CSMD1: variants seen among roughly 807,000 people sequenced by gnomAD.
CSMD1 encodes the protein CUB and sushi domain-containing protein 1.
CSMD1 carries 213 observed loss-of-function variants against 417.5 expected under a neutral mutation model. The ratio of observed to expected loss-of-function variants is 0.51; its 90% confidence interval spans 0.46 to 0.57. The LOEUF (loss-of-function observed/expected upper bound fraction) is 0.57. Among genes scored for constraint, CSMD1 ranks in the 20% least tolerant of loss-of-function variants. The pLI is 0.00. For missense variants in CSMD1, 6,923 were observed against 4,529.7 expected, an observed-to-expected ratio of 1.53 and a Z score of -15.17; for synonymous variants, 2,862 against 1,736.8, an observed-to-expected ratio of 1.65 and a Z score of -16.11.
At chr8:4,547,996 C>T (rs1271385149) in intron 2 of CSMD1, among the ~76,000 whole-genome samples, 1 of 152,130 alleles carries the variant, frequency 6.6e-6, no homozygotes, top group African/African-American at 2.4e-5. Flanking sequence ...GCCAGGCACT[C>T]CCAAGCAATC....
chr8:3,738,079 A>G (rs2129049482), intron 6 of CSMD1, among the ~76,000 whole-genome samples: 1 of 152,354 alleles, frequency 6.6e-6, no homozygotes, highest in Middle Eastern at 3.4e-3. Context: ...TGATTACTAT[A>G]GTCTCTTTCC....
At chr8:4,024,843 G>A (rs1040210647) in intron 4 of CSMD1, among the ~76,000 whole-genome samples, 3 of 152,222 alleles carry the variant, frequency 2.0e-5, no homozygotes, top group South Asian at 4.1e-4. Context: ...GCTCTGCAAT[G>A]CTGCTGAGAA....
intron 1 of CSMD1, among the ~76,000 whole-genome samples, chr8:4,758,801 C>A (rs572263365): frequency 3.9e-5 from 6 of 152,238 alleles, no homozygotes; most frequent in Non-Finnish European, 5.9e-5. Context: ...CATGGGAGAA[C>A]CTTCCCCCAT....
At chr8:3,615,957 G>A (rs1410109327) in intron 8 of CSMD1, among the ~76,000 whole-genome samples, 1 of 152,136 alleles carries the variant, frequency 6.6e-6, no homozygotes, top group Non-Finnish European at 1.5e-5. Context: ...TATTCATAAT[G>A]TAGCAACAGA....
rs34505266 is a variant in CSMD1, at chr8:4,633,996, T to TAAA, written c.302+3343_302+3345dup. Among the ~76,000 whole-genome samples, 1,194 of 143,090 alleles carry TAAA rather than the reference T, an allele frequency of 8.3e-3. 12 individuals are homozygous for TAAA. Among genetic ancestry groups the TAAA allele is most frequent in the Non-Finnish European group, 0.014 (947 of 65,502 alleles). 93.9% of individuals were successfully genotyped at this position (143,090 alleles called of 152,430 possible). On this transcript the variant is annotated intron_variant, in intron 2 of 69. Coordinates refer to ENST00000635120, the MANE Select transcript of CSMD1 (RefSeq NM_033225.6). ...AAACAGCAACCACCTGACAGGTCAT[T>TAAA]AAAAAAAAAAAAAACAATGAAGAGA... is the stretch of plus-strand genomic sequence containing the variant.
At chr8:4,631,383 A>G (rs552906800) in intron 2 of CSMD1, among the ~76,000 whole-genome samples, 1 of 150,402 alleles carries the variant, frequency 6.6e-6, no homozygotes, top group Non-Finnish European at 1.5e-5. Context: ...ATAAAATAAA[A>G]TGATACCTTG....
At chr8:3,470,204 A>G (rs1432051691) in intron 11 of CSMD1, among the ~76,000 whole-genome samples, 1 of 152,164 alleles carries the variant, frequency 6.6e-6, no homozygotes, top group Non-Finnish European at 1.5e-5. Context: ...AAATCATACT[A>G]TATATAACAT....
intron 5 of CSMD1, among the ~76,000 whole-genome samples, chr8:3,958,061 T>A (rs1455614226): frequency 6.6e-6 from 1 of 152,216 alleles, no homozygotes; most frequent in Non-Finnish European, 1.5e-5. Flanking sequence ...TGTATACTGT[T>A]CATGTGCTAT....
In CSMD1 at chr8:3,648,799, G is replaced by A. The variant is rs184523905; in HGVS notation, c.1010-32002C>T. Among the ~76,000 whole-genome samples, 9 of 151,370 alleles carry A rather than the reference G, an allele frequency of 5.9e-5. No homozygotes were observed. In the East Asian group the frequency reaches 1.7e-3, roughly 29 times the overall value. On this transcript the variant is annotated intron_variant, in intron 7 of 69. Transcript: ENST00000635120. The stretch of plus-strand genomic sequence containing the variant: ...TTGTATTTAAAACCTATCTTTACGC[G>A]GCACCCCTCTCAGAACATGACATTT...
At chr8:3,223,917 C>T in intron 27 of CSMD1, 50 bp from the exon 28 acceptor site, 3 of 1,594,664 alleles carry the variant, frequency 1.9e-6, no homozygotes, top group Non-Finnish European at 2.6e-6. Flanking sequence ...GCGAAGAACG[C>T]CTGCCAGTCA....
chr8:3,442,607 G>A (rs1320506079), intron 12 of CSMD1, among the ~76,000 whole-genome samples: 2 of 152,118 alleles, frequency 1.3e-5, no homozygotes, highest in Non-Finnish European at 2.9e-5. Flanking sequence ...TGGGTAGCAG[G>A]CTATACAATC....
chr8:3,969,048 C>A (rs1444814389), intron 5 of CSMD1, among the ~76,000 whole-genome samples: 1 of 152,086 alleles, frequency 6.6e-6, no homozygotes, highest in African/African-American at 2.4e-5. Flanking sequence ...TTCAGGAGTT[C>A]GAGACCAGCC....
At chr8:4,314,760 T>G (rs1354719668) in intron 3 of CSMD1, among the ~76,000 whole-genome samples, 1 of 152,232 alleles carries the variant, frequency 6.6e-6, no homozygotes, top group Non-Finnish European at 1.5e-5. Flanking sequence ...ACCCATGTCT[T>G]CTAATGATTT....
At chr8:4,694,058 C>A (rs968674096) in intron 1 of CSMD1, among the ~76,000 whole-genome samples, 2 of 152,166 alleles carry the variant, frequency 1.3e-5, no homozygotes, top group African/African-American at 4.8e-5. Flanking sequence ...TTAGGGCAAA[C>A]CTGCCTCCCA....
At chr8:3,355,200 A>T (rs1016965696) in intron 21 of CSMD1, among the ~76,000 whole-genome samples, 13 of 145,690 alleles carry the variant, frequency 8.9e-5, no homozygotes, top group East Asian at 1.9e-4. Context: ...TTCATTTTTT[A>T]AAAAAATCTC....
At chr8:3,325,203 G>T (rs542028527) in intron 23 of CSMD1, among the ~76,000 whole-genome samples, 100 of 152,258 alleles carry the variant, frequency 6.6e-4, no homozygotes, top group African/African-American at 2.3e-3. Context: ...CGGTGTCCAG[G>T]TCTCCAGGCT....
intron 12 of CSMD1, among the ~76,000 whole-genome samples, chr8:3,451,142 GC>G (rs1303434563): frequency 1.3e-5 from 2 of 152,098 alleles, no homozygotes; most frequent in Non-Finnish European, 2.9e-5. Flanking sequence ...CATATCCTTC[GC>G]CCACTTTTTG....
chr8:3,739,705 G>C lies in CSMD1; in HGVS notation c.931+14225C>G, dbSNP rs150368925. On this transcript the variant is annotated intron_variant, in intron 6 of 69. Coordinates refer to ENST00000635120, the MANE Select transcript of CSMD1 (RefSeq NM_033225.6). ...GTAAGACTGTACCACATGGCATAAT[G>C]GGTATTATAAGTTTTAAACTATTGA... Among the ~76,000 whole-genome samples, 634 of 152,244 alleles carry C rather than the reference G, an allele frequency of 4.2e-3. 8 individuals are homozygous for C. Among genetic ancestry groups the C allele is most frequent in the African/African-American group, 0.014 (596 of 41,532 alleles).
At chr8:4,532,361 C>T (rs559844191) in intron 2 of CSMD1, among the ~76,000 whole-genome samples, 7 of 151,280 alleles carry the variant, frequency 4.6e-5, no homozygotes, top group South Asian at 4.2e-4. Flanking sequence ...ATCCTGCACC[C>T]GCATTCAGTC....
Sources: gnomAD v4.1 joint callset for allele counts (sites outside exome capture counted in the v4.1 genomes callset) on GRCh38, gnomAD v4.1.1 for gene constraint, MANE v1.5 for transcripts, NCBI Gene and HGNC (gene_info 2026-07-23, HGNC 2026-07-21) for gene names.